The following ANKS1B variants were observed in gnomAD, a reference collection of about 807,000 sequenced individuals.
ANKS1B encodes ankyrin repeat and sterile alpha motif domain containing 1B.
A neutral mutation model predicts 148.3 loss-of-function variants in ANKS1B; 36 were observed. The observed-to-expected ratio is 0.24, with a 90% CI of 0.19 to 0.32. The LOEUF is 0.32. Ranked by LOEUF, ANKS1B falls within the 10% of genes least tolerant of loss-of-function variation. The pLI is 1.00. For synonymous variants in ANKS1B, 542 were observed against 560.8 expected, an observed-to-expected ratio of 0.97 and a Z score of 0.47; for missense variants, 1,157 against 1,542.6, an observed-to-expected ratio of 0.75 and a Z score of 4.19.
At chr12:99,287,597 A>G (rs2079315763) in intron 12 of ANKS1B, among the ~76,000 whole-genome samples, 1 of 152,228 alleles carries the variant, frequency 6.6e-6, no homozygotes, top group Non-Finnish European at 1.5e-5. Context: ...AGTAAGAGAT[A>G]TGTGACCTTT....
intron 13 of ANKS1B, among the ~76,000 whole-genome samples, chr12:99,244,901 C>T (rs2090004484): frequency 6.6e-6 from 1 of 152,196 alleles, no homozygotes; most frequent in Admixed American, 6.5e-5. Flanking sequence ...GTTGCCCAGG[C>T]TACAGTGCTG....
At chr12:99,197,380 T>C (rs552188579) in intron 14 of ANKS1B, among the ~76,000 whole-genome samples, 1 of 152,280 alleles carries the variant, frequency 6.6e-6, no homozygotes, top group Admixed American at 6.5e-5. Flanking sequence ...AGAACTCCAG[T>C]TTCTAACTAT....
At chr12:99,142,290 T>G (rs957982677) in intron 15 of ANKS1B, among the ~76,000 whole-genome samples, 1 of 152,034 alleles carries the variant, frequency 6.6e-6, no homozygotes, top group Non-Finnish European at 1.5e-5. Context: ...AAAAGTATAT[T>G]GTCTTTGGCA....
intron 12 of ANKS1B, among the ~76,000 whole-genome samples, chr12:99,320,578 T>C (rs564886370): frequency 1.7e-3 from 264 of 152,326 alleles, no homozygotes; most frequent in Non-Finnish European, 3.1e-3. Context: ...CTGTTTATCC[T>C]AGTTAGCCAT....
chr12:99,558,914 C>A (rs2097304901), intron 9 of ANKS1B, among the ~76,000 whole-genome samples: 1 of 152,180 alleles, frequency 6.6e-6, no homozygotes. Context: ...GCTCTCCCTG[C>A]CAGCTCAAGT....
intron 9 of ANKS1B, among the ~76,000 whole-genome samples, chr12:99,652,856 T>C (rs2098430115): frequency 6.6e-6 from 1 of 152,112 alleles, no homozygotes; most frequent in African/African-American, 2.4e-5. Flanking sequence ...GAAAACTAGA[T>C]ATCAACAAGC....
intron 12 of ANKS1B, among the ~76,000 whole-genome samples, chr12:99,294,358 A>T (rs2080519202): frequency 6.6e-6 from 1 of 152,224 alleles, no homozygotes. Flanking sequence ...AAAGAATGTG[A>T]TCCTGTCATT....
chr12:98,877,486 C>T lies in ANKS1B; in HGVS notation c.2779-45350G>A, dbSNP rs78447935. The stretch of plus-strand genomic sequence containing the variant: ...CTATTCAGTAAGTGAAAACTAACGG[C>T]GGAAGAAATCCAAATTAGCTTTCTT... On this transcript the variant is annotated intron_variant, in intron 17 of 26. Coordinates refer to ENST00000683438, the MANE Select transcript of ANKS1B (RefSeq NM_001352186.2). 6.4e-4 allele frequency among the ~76,000 whole-genome samples: 98 copies of T among 152,270 alleles called. 1 individual carries two copies. In the East Asian group the frequency reaches 0.014, roughly 21 times the overall value.
intron 17 of ANKS1B, among the ~76,000 whole-genome samples, chr12:99,024,986 G>A (rs1190315370): frequency 6.6e-6 from 1 of 152,138 alleles, no homozygotes; most frequent in African/African-American, 2.4e-5. Context: ...TAAAATTCTA[G>A]TTTTGGTTTT....
chr12:99,519,403 G>T (rs953643235), intron 9 of ANKS1B, among the ~76,000 whole-genome samples: 6 of 152,056 alleles, frequency 3.9e-5, no homozygotes, highest in African/African-American at 7.2e-5. Flanking sequence ...GGTGCCCCAT[G>T]GTTGGGTGCA....
chr12:99,134,351 G>A (rs572210276), intron 15 of ANKS1B, among the ~76,000 whole-genome samples: 2 of 152,194 alleles, frequency 1.3e-5, no homozygotes, highest in South Asian at 4.2e-4. Flanking sequence ...CAGAAAGAGC[G>A]TGGAAAGATG....
intron 10 of ANKS1B, among the ~76,000 whole-genome samples, chr12:99,458,632 C>A (rs538829661): frequency 6.6e-6 from 1 of 151,992 alleles, no homozygotes; most frequent in African/African-American, 2.4e-5. Flanking sequence ...ACTATGAACA[C>A]TTTTATGTGC....
At chr12:99,480,767 T>C (rs531135105) in intron 10 of ANKS1B, among the ~76,000 whole-genome samples, 1 of 151,988 alleles carries the variant, frequency 6.6e-6, no homozygotes, top group East Asian at 1.9e-4. Flanking sequence ...GAGCTTTTGG[T>C]TGTTTTTGGC....
chr12:99,393,866 T>C (rs2152559850), intron 12 of ANKS1B, among the ~76,000 whole-genome samples: 1 of 152,278 alleles, frequency 6.6e-6, no homozygotes, highest in South Asian at 2.1e-4. Flanking sequence ...TGGTTAAATA[T>C]TACACTCCCT....
intron 8 of ANKS1B, among the ~76,000 whole-genome samples, chr12:99,717,767 G>A (rs962614467): frequency 7.5e-5 from 11 of 146,082 alleles, no homozygotes; most frequent in Non-Finnish European, 1.4e-4. Context: ...TAATCAATAC[G>A]GAGGCTACCC....
chr12:99,828,856 G>A (rs1017402240), intron 1 of ANKS1B, among the ~76,000 whole-genome samples: 5 of 151,998 alleles, frequency 3.3e-5, no homozygotes, highest in Admixed American at 6.6e-5. Flanking sequence ...GGTGGCGCAC[G>A]CCTGTAGTCC....
At chr12:99,478,981 T>C (rs1383496221) in intron 10 of ANKS1B, among the ~76,000 whole-genome samples, 1 of 152,062 alleles carries the variant, frequency 6.6e-6, no homozygotes, top group East Asian at 1.9e-4. Flanking sequence ...ACTTAAAATA[T>C]TAGTATTTCA....
chr12:99,739,168 C>A (rs1395493561), intron 8 of ANKS1B, among the ~76,000 whole-genome samples: 1 of 151,810 alleles, frequency 6.6e-6, no homozygotes, highest in African/African-American at 2.4e-5. Context: ...CAAATGCTGT[C>A]TGACTAATTC....
At chr12:99,742,514 G>A (rs1274229862) in intron 8 of ANKS1B, among the ~76,000 whole-genome samples, 1 of 152,058 alleles carries the variant, frequency 6.6e-6, no homozygotes, top group Non-Finnish European at 1.5e-5. Context: ...GTAAAAATAA[G>A]AGTAAGTGAA....
Sources: allele counts gnomAD v4.1 joint callset (sites outside exome capture counted in the v4.1 genomes callset), GRCh38; gene constraint gnomAD v4.1.1; transcripts MANE v1.5; gene names NCBI Gene and HGNC (gene_info 2026-07-23, HGNC 2026-07-21).